Variants in NDP observed in about 807,000 individuals in gnomAD.
NDP encodes norrin cystine knot growth factor NDP, also known as norrin.
NDP carries 2 observed loss-of-function variants against 8.4 expected under a neutral mutation model. That is an observed-to-expected ratio of 0.24 (90% confidence interval 0.10 to 0.75). The LOEUF (loss-of-function observed/expected upper bound fraction) is 0.75. Ranked by LOEUF, NDP falls within the 30% of genes least tolerant of loss-of-function variation. The pLI, the probability that NDP is intolerant of heterozygous loss-of-function variation, is 0.73. For missense variants in NDP, 81 were observed against 110.1 expected, an observed-to-expected ratio of 0.74 and a Z score of 1.18; for synonymous variants, 55 against 45.6, an observed-to-expected ratio of 1.21 and a Z score of -0.83.
At chrX:43,956,723 T>C (rs2035795206) in intron 2 of NDP, among the ~76,000 whole-genome samples, 1 of 112,157 alleles carries the variant, frequency 8.9e-6, no homozygotes, top group Admixed American at 9.5e-5. Flanking sequence ...TTTGGGATGT[T>C]TGAAAACAGA....
intron 2 of NDP, 155 bp from the exon 3 acceptor site, chrX:43,950,181 C>T: frequency 2.0e-6 from 1 of 498,400 alleles, no homozygotes; most frequent in Non-Finnish European, 3.5e-6. Context: ...AGTCAACACC[C>T]AGGCCTCATT....
chrX:43,956,750 A>G (rs183798503), intron 2 of NDP, among the ~76,000 whole-genome samples: 15 of 112,261 alleles, frequency 1.3e-4, no homozygotes, highest in African/African-American at 4.8e-4. Flanking sequence ...CCATGAAATT[A>G]CAAACATTTC....
At chrX:43,966,919 C>T (rs1367177452) in intron 1 of NDP, among the ~76,000 whole-genome samples, 1 of 111,968 alleles carries the variant, frequency 8.9e-6, no homozygotes, top group African/African-American at 3.2e-5. Context: ...ATAGGAGCAA[C>T]TCAGTCTTTC....
At chrX:43,962,370 A>C (rs2035831422) in intron 1 of NDP, among the ~76,000 whole-genome samples, 1 of 110,225 alleles carries the variant, frequency 9.1e-6, no homozygotes, top group South Asian at 4.0e-4. Flanking sequence ...AGCAATGCTA[A>C]GTCAAGTTGT....
chrX:43,970,771 TGGCCCTGA>T (rs767251758), intron 1 of NDP, among the ~76,000 whole-genome samples: 490 of 111,581 alleles, frequency 4.4e-3, no homozygotes, highest in African/African-American at 0.015. Context: ...ATTCATCAAG[TGGCCCTGA>T]TGTTAGCTAC....
At position 43,949,654 on chromosome X, in the gene NDP, A is replaced by G. The variant is rs956085715; in HGVS notation, c.*145T>C. The G allele has an allele frequency of 5.4e-5, 29 of 536,983 alleles. No homozygotes were observed. The highest frequency in any genetic ancestry group is 8.9e-5 in the Non-Finnish European group (28 of 313,592). The allele number at this position is 536,983 out of a possible 1,213,427, so 44.3% of individuals were successfully genotyped here. A position where few individuals can be genotyped will look rare whatever the true frequency, so the allele number is the denominator to read the frequency against. On this transcript the variant is annotated 3_prime_UTR_variant, in exon 3 of 3. Coordinates refer to ENST00000642620, the MANE Select transcript of NDP (RefSeq NM_000266.4). ...TATCTCTCTCTGTCAACAAGCATGT[A>G]GAGTCTTTATTACTAGAATATGCAG... is the stretch of plus-strand genomic sequence containing the variant.
intron 2 of NDP, chrX:43,953,426 G>A (rs906139260): frequency 2.7e-5 from 3 of 111,886 alleles, no homozygotes; most frequent in African/African-American, 9.8e-5. Context: ...GAGTAGTTCT[G>A]GCCTAGAGCC....
intron 1 of NDP, among the ~76,000 whole-genome samples, chrX:43,962,704 T>C (rs935081642): frequency 1.7e-4 from 19 of 111,927 alleles, no homozygotes; most frequent in Non-Finnish European, 1.9e-4. Context: ...GTGGCCACGC[T>C]ATGCTCTGGA....
rs765035170 is a variant in NDP, at chrX:43,950,729, C to T, written c.175-703G>A. ...ATTTGCGGCAAATATTAGGATGTAC[C>T]CATTCTGATAATCTCTATTTCCAAA... On this transcript the variant is annotated intron_variant, in intron 2 of 2. Transcript: ENST00000642620. Among the ~76,000 whole-genome samples, 10 of 111,362 alleles carry T rather than the reference C, an allele frequency of 9.0e-5. No individual in the cohort carries two copies. The Admixed American group carries it at 9.5e-4, about 11-fold the overall frequency.
chrX:43,966,541 A>G (rs1245922691), intron 1 of NDP: 1 of 111,515 alleles, frequency 9.0e-6, no homozygotes, highest in African/African-American at 3.3e-5. Context: ...AAAATAGGAG[A>G]GTTCCGAGAC....
At chrX:43,953,630 C>T (rs1184742826) in intron 2 of NDP, among the ~76,000 whole-genome samples, 1 of 100,954 alleles carries the variant, frequency 9.9e-6, no homozygotes, top group Non-Finnish European at 2.1e-5. Context: ...ATCCTTACAA[C>T]AACCCTACAA....
chrX:43,969,047 T>C (rs1321798641), intron 1 of NDP, among the ~76,000 whole-genome samples: 1 of 111,804 alleles, frequency 8.9e-6, no homozygotes, highest in Non-Finnish European at 1.9e-5. Flanking sequence ...CTTTTAAGGA[T>C]GTCACAGGGA....
intron 1 of NDP, among the ~76,000 whole-genome samples, chrX:43,959,229 G>T (rs2035812829): frequency 9.0e-6 from 1 of 111,638 alleles, no homozygotes; most frequent in Non-Finnish European, 1.9e-5. Flanking sequence ...GGTCTATTCA[G>T]TTTCTCAGCA....
intron 1 of NDP, among the ~76,000 whole-genome samples, chrX:43,959,523 C>T (rs1488613809): frequency 8.9e-6 from 1 of 112,381 alleles, no homozygotes; most frequent in Non-Finnish European, 1.9e-5. Flanking sequence ...CACATTTCTG[C>T]AGAGCCTTTG....
At chrX:43,965,611 C>T (rs185603071) in intron 1 of NDP, among the ~76,000 whole-genome samples, 3 of 111,168 alleles carry the variant, frequency 2.7e-5, no homozygotes, top group East Asian at 5.7e-4. Flanking sequence ...AGACTTCTTG[C>T]ATTTGATAAT....
chrX:43,949,728 C>G lies in NDP; in HGVS notation c.*71G>C. 2.0e-6 allele frequency: 2 copies of G among 1,023,940 alleles called. No individual in the cohort carries two copies. Among genetic ancestry groups the G allele is most frequent in the Non-Finnish European group, 2.7e-6 (2 of 742,583 alleles). The allele number at this position is 1,023,940 out of a possible 1,213,427, so 84.4% of individuals were successfully genotyped here. ...CTTTTTTGCCTTAACTCTTTTCTTG[C>G]CAGTCTTTCCCTGGCTGGTCGAACT... On this transcript the variant is annotated 3_prime_UTR_variant, in exon 3 of 3. Transcript: ENST00000642620.
intron 2 of NDP, among the ~76,000 whole-genome samples, chrX:43,952,754 T>G (rs761443238): frequency 5.9e-4 from 66 of 112,341 alleles, no homozygotes; most frequent in African/African-American, 1.8e-3. Context: ...GCTGGACTGT[T>G]TGTGCAAGAA....
Position 43,949,849 on chromosome X carries a change from C to T in NDP, c.352G>A (p.Ala118Thr). The T allele has an allele frequency of 8.4e-7, 1 of 1,189,672 alleles. No homozygotes were observed. The highest frequency in any genetic ancestry group is 1.7e-5 in the African/African-American group (1 of 57,234). The change falls in exon 3 of 3, where the codon GCC becomes ACC. Residue 118 changes from alanine to threonine, a missense_variant. Physicochemically the swap from Ala to Thr is moderately conservative, Grantham distance 58 (BLOSUM62 0). Coordinates refer to ENST00000642620, the MANE Select transcript of NDP (RefSeq NM_000266.4). Reference protein sequence around the residue: ...LRCSGGMRLTATYRYILSCHC... With the variant: ...LRCSGGMRLTTTYRYILSCHC... ...CAGGAGAGGATGTACCGGTAGGTGG[C>T]AGTGAGTCGCATGCCCCCTGAGCAT... is the stretch of plus-strand genomic sequence containing the variant.
At chrX:43,960,308 G>A (rs768232106) in intron 1 of NDP, among the ~76,000 whole-genome samples, 15 of 111,545 alleles carry the variant, frequency 1.3e-4, no homozygotes, top group Admixed American at 7.6e-4. Flanking sequence ...ATCTGTAGAG[G>A]GAAGGAGTTG....
Sources: allele counts gnomAD v4.1 joint callset (sites outside exome capture counted in the v4.1 genomes callset), GRCh38; gene constraint gnomAD v4.1.1; transcripts MANE v1.5; gene names NCBI Gene and HGNC (gene_info 2026-07-23, HGNC 2026-07-21).